Variants in ZFPM2 observed in about 807,000 individuals in gnomAD.
ZFPM2 encodes the protein zinc finger protein ZFPM2.
Under a neutral mutation model 98.6 loss-of-function variants are expected in ZFPM2, and 20 were observed. The ratio of observed to expected loss-of-function variants is 0.20; its 90% CI spans 0.14 to 0.29. The LOEUF is 0.29. ZFPM2 is among the 10% of genes least tolerant of loss of function. The pLI, the probability that ZFPM2 is intolerant of heterozygous loss-of-function variation, is 1.00. For synonymous variants in ZFPM2, 518 were observed against 502.7 expected, an observed-to-expected ratio of 1.03 and a Z score of -0.41; for missense variants, 1,310 against 1,388.6, an observed-to-expected ratio of 0.94 and a Z score of 0.90.
intron 3 of ZFPM2, among the ~76,000 whole-genome samples, chr8:105,559,616 A>G (rs750546934): frequency 1.3e-5 from 2 of 152,174 alleles, no homozygotes; most frequent in African/African-American, 2.4e-5. Context: ...CAATTTAACC[A>G]CTACCGAAAT....
intron 5 of ZFPM2, among the ~76,000 whole-genome samples, chr8:105,649,298 C>T (rs1308935447): frequency 6.6e-6 from 1 of 152,132 alleles, no homozygotes; most frequent in Non-Finnish European, 1.5e-5. Flanking sequence ...ATGGGGTTTT[C>T]TAAATATACA....
chr8:105,441,105 A>C (rs890345841), intron 2 of ZFPM2, among the ~76,000 whole-genome samples: 3 of 152,120 alleles, frequency 2.0e-5, no homozygotes, highest in Admixed American at 6.5e-5. Flanking sequence ...CAGTGAGCCG[A>C]GATCGCACCA....
intron 1 of ZFPM2, chr8:105,418,641 G>T (rs372205669): frequency 3.2e-4 from 167 of 516,820 alleles, no homozygotes; most frequent in Middle Eastern, 1.3e-3. Flanking sequence ...CACATATAAT[G>T]AAATCTTTTC....
intron 6 of ZFPM2, among the ~76,000 whole-genome samples, chr8:105,796,560 T>G (rs550367180): frequency 1.3e-5 from 2 of 152,374 alleles, no homozygotes; most frequent in Admixed American, 1.3e-4. Context: ...TTATACTTAC[T>G]ATCCTTACTT....
At chr8:105,661,984 A>T (rs1817398754) in intron 5 of ZFPM2, among the ~76,000 whole-genome samples, 1 of 152,180 alleles carries the variant, frequency 6.6e-6, no homozygotes, top group South Asian at 2.1e-4. Flanking sequence ...TAAGAAAAAA[A>T]AAAGGAAGCA....
chr8:105,650,228 T>C (rs1317401905), intron 5 of ZFPM2, among the ~76,000 whole-genome samples: 1 of 152,156 alleles, frequency 6.6e-6, no homozygotes, highest in Non-Finnish European at 1.5e-5. Context: ...TGATATCCCT[T>C]TTATCACTTT....
chr8:105,392,570 C>CT (rs904645352), intron 1 of ZFPM2, among the ~76,000 whole-genome samples: 6 of 152,134 alleles, frequency 3.9e-5, no homozygotes, highest in African/African-American at 1.4e-4. Context: ...TACCAAAACA[C>CT]TTTTCTGAGT....
At chr8:105,672,763 A>G (rs1817619552) in intron 5 of ZFPM2, among the ~76,000 whole-genome samples, 1 of 152,174 alleles carries the variant, frequency 6.6e-6, no homozygotes, top group African/African-American at 2.4e-5. Context: ...AGGGACATGT[A>G]CCATGGAATT....
intron 3 of ZFPM2, among the ~76,000 whole-genome samples, chr8:105,456,898 C>T (rs1257221143): frequency 6.6e-6 from 1 of 152,078 alleles, no homozygotes; most frequent in African/African-American, 2.4e-5. Flanking sequence ...AGTGATCCAC[C>T]CGCCTGGGCC....
intron 3 of ZFPM2, among the ~76,000 whole-genome samples, chr8:105,530,585 G>A (rs901527888): frequency 1.3e-5 from 2 of 152,124 alleles, no homozygotes; most frequent in Admixed American, 6.6e-5. Flanking sequence ...ACATGAGAGA[G>A]CGAGAGTGCA....
At chr8:105,517,903 C>T (rs1451051523) in intron 3 of ZFPM2, among the ~76,000 whole-genome samples, 1 of 152,090 alleles carries the variant, frequency 6.6e-6, no homozygotes, top group African/African-American at 2.4e-5. Context: ...CAGAGGGAGA[C>T]TCTGTCTCAA....
chr8:105,788,237 G>A (rs963205815), intron 5 of ZFPM2, among the ~76,000 whole-genome samples: 4 of 151,992 alleles, frequency 2.6e-5, no homozygotes, highest in African/African-American at 9.7e-5. Context: ...CTGTAGTTTG[G>A]GCATTGGTAT....
intron 5 of ZFPM2, among the ~76,000 whole-genome samples, chr8:105,711,031 C>T (rs1252138683): frequency 2.0e-5 from 3 of 151,992 alleles, no homozygotes; most frequent in African/African-American, 4.8e-5. Flanking sequence ...CTCCCCTCTT[C>T]CTTACACATA....
rs566445204 is a variant in ZFPM2, at chr8:105,389,791, A to C, written c.41-29353A>C. Among the ~76,000 whole-genome samples, 3 of 152,342 alleles carry C rather than the reference A, an allele frequency of 2.0e-5. No homozygotes were observed. In the South Asian group the frequency reaches 6.2e-4, roughly 32 times the overall value. On this transcript the variant is annotated intron_variant, in intron 1 of 7. Transcript: ENST00000407775. ...GACGTGATCATAGCTATGTCTGAGA[A>C]GAATAATCTAAAAGCAGCATGTAGT...
intron 3 of ZFPM2, among the ~76,000 whole-genome samples, chr8:105,474,954 C>T (rs1812983213): frequency 6.6e-6 from 1 of 152,182 alleles, no homozygotes; most frequent in Non-Finnish European, 1.5e-5. Context: ...GCACCTTATT[C>T]TGTGATTCAG....
chr8:105,328,392 T>G (rs1160531864), intron 1 of ZFPM2, among the ~76,000 whole-genome samples: 1 of 151,446 alleles, frequency 6.6e-6, no homozygotes, highest in South Asian at 2.1e-4. Flanking sequence ...AATGCCAACA[T>G]AGAATGCTTA....
chr8:105,771,625 C>T (rs1812978867), intron 5 of ZFPM2, among the ~76,000 whole-genome samples: 2 of 152,120 alleles, frequency 1.3e-5, no homozygotes, highest in Admixed American at 6.6e-5. Flanking sequence ...TATCATCACA[C>T]GAGCAAAAAT....
chr8:105,381,794 A>T (rs1810894887), intron 1 of ZFPM2, among the ~76,000 whole-genome samples: 1 of 152,162 alleles, frequency 6.6e-6, no homozygotes, highest in Admixed American at 6.6e-5. Context: ...CTGAAGCTTC[A>T]AGTGTTTACG....
chr8:105,626,286 G>A (rs751030785), intron 4 of ZFPM2, among the ~76,000 whole-genome samples: 8 of 152,144 alleles, frequency 5.3e-5, no homozygotes, highest in Non-Finnish European at 1.0e-4. Flanking sequence ...AGTAGTCCAA[G>A]ATTTTAAATT....
Sources: allele counts gnomAD v4.1 joint callset (sites outside exome capture counted in the v4.1 genomes callset), GRCh38; gene constraint gnomAD v4.1.1; transcripts MANE v1.5; gene names NCBI Gene and HGNC (gene_info 2026-07-23, HGNC 2026-07-21).